Variants in SLC44A2 observed in about 807,000 individuals in gnomAD.
SLC44A2 encodes choline transporter-like protein 2.
Under a neutral mutation model 90.8 loss-of-function variants are expected in SLC44A2, and 57 were observed. That is an observed-to-expected ratio of 0.63 (90% CI 0.51 to 0.78). The LOEUF (loss-of-function observed/expected upper bound fraction) is 0.78. SLC44A2 is among the 30% of genes least tolerant of loss of function. SLC44A2 has a pLI of 0.00. For synonymous variants in SLC44A2, 355 were observed against 360.7 expected (o/e 0.98, Z 0.18); for missense variants, 794 against 919.7 (o/e 0.86, Z 1.77).
intron 1 of SLC44A2, among the ~76,000 whole-genome samples, chr19:10,603,382 G>T (rs7253253): frequency 0.96 from 146,607 of 152,214 alleles, 70,651 homozygotes; most frequent in East Asian, 1. Context: ...AAGACCCAAC[G>T]GAGCCCCAGC....
chr19:10,630,999 C>CT (rs1204839476), intron 4 of SLC44A2, 58 bp from the exon 5 acceptor site: 3 of 1,307,590 alleles, frequency 2.3e-6, no homozygotes, highest in Non-Finnish European at 3.2e-6. Flanking sequence ...GAGCGAGACT[C>CT]TGTCTCAAAA....
intron 1 of SLC44A2, among the ~76,000 whole-genome samples, chr19:10,615,311 T>C (rs917666068): frequency 1.3e-5 from 2 of 151,370 alleles, no homozygotes; most frequent in Admixed American, 1.3e-4. Context: ...CAGTGGCTCA[T>C]GCCTGTAATC....
intron 4 of SLC44A2, 65 bp from the exon 5 acceptor site, chr19:10,630,992 C>T (rs543831271): frequency 7.5e-5 from 96 of 1,275,618 alleles, no homozygotes; most frequent in South Asian, 4.7e-4. Flanking sequence ...GCAACAAGAG[C>T]GAGACTCTGT....
chr19:10,627,993 C>G lies in SLC44A2; in HGVS notation c.234C>G (p.Gly78=). 6.2e-7 allele frequency: 1 copy of G among 1,611,816 alleles called. No individual in the cohort carries two copies. The highest frequency in any genetic ancestry group is 1.7e-5 in the Admixed American group (1 of 59,454). ...DSRGEFCGQK[G]TKNENKPYLF... is the part of the protein sequence containing the mutation. ...GGGGCGAGTTCTGCGGGCAGAAGGGCACAAAAAACGAGTGAGTTGACTCCT... is the reference window on the plus strand; with the variant it reads ...GGGGCGAGTTCTGCGGGCAGAAGGGGACAAAAAACGAGTGAGTTGACTCCT... The change falls in exon 4 of 22, where the codon GGC becomes GGG. Residue 78 remains glycine (G), a synonymous_variant. Coordinates refer to ENST00000335757, the MANE Select transcript of SLC44A2 (RefSeq NM_020428.4).
intron 1 of SLC44A2, among the ~76,000 whole-genome samples, chr19:10,619,449 T>G (rs1347812586): frequency 4.0e-5 from 5 of 126,496 alleles, no homozygotes; most frequent in South Asian, 2.7e-4. Flanking sequence ...AAAAAAGTGT[T>G]TTTTTTTTTT....
rs2067056593 is a variant in SLC44A2, at chr19:10,636,518, T to C, written c.1429T>C (p.Trp477Arg). 3.7e-6 allele frequency: 6 copies of C among 1,611,628 alleles called. No homozygotes were observed. The highest frequency in any genetic ancestry group is 5.1e-6 in the Non-Finnish European group (6 of 1,179,990). Reference protein sequence around the residue: ...TLAGAFASYYWALRKPDDLPA... With the variant: ...TLAGAFASYYRALRKPDDLPA... ...GGCCGGGGCCTTTGCCTCCTACTAC[T>C]GGGCCCTGCGCAAGCCGGACGACCT... The change falls in exon 15 of 22, where the codon TGG becomes CGG. Residue 477 changes from tryptophan to arginine, a missense_variant. Around this residue, in one of 3 missense-constraint regions of SLC44A2, gnomAD observed 738 missense variants for 841.1 expected, o/e 0.88. Transcript: ENST00000335757.
chr19:10,639,064 G>C (rs1264656401), intron 20 of SLC44A2, among the ~76,000 whole-genome samples: 1 of 152,094 alleles, frequency 6.6e-6, no homozygotes, highest in Non-Finnish European at 1.5e-5. Flanking sequence ...TTCCCACAGT[G>C]CTGGGATTAC....
At chr19:10,627,001 A>C (rs529716874) in intron 2 of SLC44A2, among the ~76,000 whole-genome samples, 2 of 147,258 alleles carry the variant, frequency 1.4e-5, no homozygotes, top group East Asian at 4.2e-4. Context: ...CAAGAGCGAG[A>C]CTCTGTCTCA....
intron 20 of SLC44A2, chr19:10,641,280 G>C (rs1012472041): frequency 5.3e-6 from 2 of 377,994 alleles, no homozygotes; most frequent in Non-Finnish European, 1.0e-5. Context: ...TGTAGTCCCA[G>C]CTCCTTGTAA....
Position 10,643,299 on chromosome 19 carries a change from G to T in SLC44A2, c.2035G>T (p.Asp679Tyr). The change falls in exon 22 of 22, where the codon GAC becomes TAC. Residue 679 changes from aspartate to tyrosine, a missense_variant. Around this residue, in one of 3 missense-constraint regions of SLC44A2, gnomAD observed 44 missense variants for 43.9 expected, o/e 1.00. Transcript: ENST00000335757. ...CACAGTGGAGGACCTGGAGAGGAAT[G>T]ACGGCTCGGCCGAGAGGCCTTACTT... ...LCFLEDLERN[D>Y]GSAERPYFMS... 6.2e-7 allele frequency: 1 copy of T among 1,610,734 alleles called. No homozygotes were observed. The highest frequency in any genetic ancestry group is 1.1e-5 in the South Asian group (1 of 90,506).
exon 1 of SLC44A2, chr19:10,602,522 G>A: frequency 1.6e-6 from 2 of 1,273,944 alleles, no homozygotes; most frequent in South Asian, 2.8e-5. Context: ...TCCCCGCCCC[G>A]CCGCGGCCAT....
At chr19:10,632,623 G>A (rs1343052118) in intron 10 of SLC44A2, among the ~76,000 whole-genome samples, 1 of 151,690 alleles carries the variant, frequency 6.6e-6, no homozygotes, top group Non-Finnish European at 1.5e-5. Context: ...TCAAATCCTG[G>A]CTTTGCCAAT....
chr19:10,620,898 G>C (rs530548984), upstream of SLC44A2, among the ~76,000 whole-genome samples: 3 of 152,110 alleles, frequency 2.0e-5, no homozygotes, highest in African/African-American at 7.2e-5. Flanking sequence ...AATTAGGCAG[G>C]CATGGTGGTG....
chr19:10,636,716 C>G lies in SLC44A2; in HGVS notation c.1551C>G (p.Ile517Met). 6.2e-7 allele frequency: 1 copy of G among 1,613,974 alleles called. No individual in the cohort carries two copies. The highest frequency in any genetic ancestry group is 2.2e-5 in the East Asian group (1 of 44,864). Residue 517 changes from isoleucine to methionine, a missense_variant, in exon 16 of 22, where the codon ATC becomes ATG. Around this residue, in one of 3 missense-constraint regions of SLC44A2, gnomAD observed 738 missense variants for 841.1 expected, o/e 0.88. Coordinates refer to ENST00000335757, the MANE Select transcript of SLC44A2 (RefSeq NM_020428.4). ...CGCTCATCCTGGCCATTGTGCAGAT[C>G]ATCCGTGTGATACTCGAGTACCTGG... ...FGALILAIVQ[I>M]IRVILEYLDQ...
At chr19:10,641,793 C>A (rs915589646) in intron 20 of SLC44A2, among the ~76,000 whole-genome samples, 1 of 150,602 alleles carries the variant, frequency 6.6e-6, no homozygotes, top group African/African-American at 2.4e-5. Flanking sequence ...TTGCAGTGAG[C>A]TGAGATTGCA....
intron 20 of SLC44A2, among the ~76,000 whole-genome samples, chr19:10,640,444 T>C (rs938117296): frequency 2.0e-5 from 3 of 152,142 alleles, no homozygotes; most frequent in African/African-American, 7.2e-5. Flanking sequence ...CCAGGTGTTG[T>C]GGCTCAGGCT....
Position 10,627,716 on chromosome 19 carries a change from C to T in SLC44A2, c.87-6C>T, listed in dbSNP as rs771688450. 31 of 1,612,694 alleles carry T rather than the reference C, an allele frequency of 1.9e-5. No individual in the cohort carries two copies. The highest frequency in any genetic ancestry group is 2.0e-5 in the Non-Finnish European group (24 of 1,179,878). ...CTCCTCCAAACACTGCCCCTCTGCT[C>T]CCCAGGGGCTGCACGGATATCATAT... On this transcript the variant is annotated splice_region_variant and splice_polypyrimidine_tract_variant and intron_variant, in intron 2 of 21. Coordinates refer to ENST00000335757, the MANE Select transcript of SLC44A2 (RefSeq NM_020428.4).
chr19:10,612,790 A>AG (rs1918342420), intron 1 of SLC44A2, among the ~76,000 whole-genome samples: 1 of 152,258 alleles, frequency 6.6e-6, no homozygotes, highest in Non-Finnish European at 1.5e-5. Context: ...TGGCACCCGA[A>AG]GGCTGCCTCT....
At chr19:10,607,198 C>T (rs1918135583) in intron 1 of SLC44A2, among the ~76,000 whole-genome samples, 1 of 152,070 alleles carries the variant, frequency 6.6e-6, no homozygotes, top group African/African-American at 2.4e-5. Flanking sequence ...CAGGCGTGAG[C>T]CACCTCGCCC....
Sources: allele counts gnomAD v4.1 joint callset (sites outside exome capture counted in the v4.1 genomes callset), GRCh38; gene constraint gnomAD v4.1.1; regional missense constraint gnomAD v4.1.1; transcripts MANE v1.5; gene names NCBI Gene and HGNC (gene_info 2026-07-23, HGNC 2026-07-21).